Variants in GSE1 observed in about 807,000 individuals in gnomAD.
The protein encoded by GSE1 is genetic suppressor element 1.
A neutral mutation model predicts 112.6 loss-of-function variants in GSE1; 32 were observed. That is an observed-to-expected ratio of 0.28 (90% CI 0.21 to 0.38). The LOEUF is 0.38. Among genes scored for constraint, GSE1 ranks in the 10% least tolerant of loss-of-function variants. The pLI, the probability that GSE1 is intolerant of heterozygous loss-of-function variation, is 1.00. For missense variants in GSE1, 2,348 were observed against 1,699.2 expected (o/e 1.38, Z -6.71); for synonymous variants, 1,115 against 735.6 (o/e 1.52, Z -8.35).
At position 85,508,340 on chromosome 16, in the gene GSE1, A is replaced by G. The variant is rs552639125; in HGVS notation, c.2465-125574A>G. 1.6e-4 allele frequency among the ~76,000 whole-genome samples: 24 copies of G among 152,178 alleles called. No homozygotes were observed. In the South Asian group the frequency reaches 5.0e-3, roughly 32 times the overall value. On this transcript the variant is annotated intron_variant, in intron 2 of 2. Coordinates refer to the GSE1 transcript ENST00000637419. ...GGAGCCACCACGCCCGGCCTCCCTC[A>G]CTTATTTTTCGGAACAGGTGATGTT...
chr16:85,302,014 C>A (rs1227229044), intron 1 of GSE1, among the ~76,000 whole-genome samples: 1 of 152,222 alleles, frequency 6.6e-6, no homozygotes, highest in African/African-American at 2.4e-5. Context: ...AGAGAACTCT[C>A]CAGGCAGGGC....
intron 1 of GSE1, among the ~76,000 whole-genome samples, chr16:85,212,776 C>G (rs1017203289): frequency 3.9e-5 from 6 of 152,202 alleles, no homozygotes; most frequent in African/African-American, 1.4e-4. Context: ...AGATGGCCAG[C>G]TGTGTAGGAA....
chr16:85,637,509 C>T (rs61737923), intron 2 of GSE1, among the ~76,000 whole-genome samples: 183 of 151,270 alleles, frequency 1.2e-3, no homozygotes, highest in African/African-American at 4.0e-3. Flanking sequence ...CCCCCTTGAT[C>T]GCGGCAGTGG....
chr16:85,277,394 C>G (rs971117531), intron 1 of GSE1, among the ~76,000 whole-genome samples: 40 of 152,138 alleles, frequency 2.6e-4, no homozygotes, highest in African/African-American at 9.4e-4. Context: ...AGAACCCACC[C>G]CTGAAAGGCG....
In GSE1 at chr16:85,534,088, G is replaced by A. The variant is rs564089456; in HGVS notation, c.2465-99826G>A. On this transcript the variant is annotated intron_variant, in intron 2 of 2. Coordinates refer to the GSE1 transcript ENST00000637419. The stretch of plus-strand genomic sequence containing the variant: ...AGCCAAGCCTTGGCAACTGTCATCT[G>A]CTTTACATCCCTTTAGGCTAGTTTT... Among the ~76,000 whole-genome samples, 3 of 150,538 alleles carry A rather than the reference G, an allele frequency of 2.0e-5. No homozygotes were observed. In the South Asian group the frequency reaches 6.3e-4, roughly 32 times the overall value.
At chr16:85,253,834 G>A (rs1906778458) in intron 1 of GSE1, among the ~76,000 whole-genome samples, 1 of 152,140 alleles carries the variant, frequency 6.6e-6, no homozygotes, top group Non-Finnish European at 1.5e-5. Context: ...TGTGTGCAAA[G>A]GCCAGGAGGT....
chr16:85,538,504 C>A (rs1598107498), intron 2 of GSE1, among the ~76,000 whole-genome samples: 4 of 152,230 alleles, frequency 2.6e-5, no homozygotes, highest in Admixed American at 2.6e-4. Context: ...CGTCTTGTCG[C>A]CGGCCCCATG....
chr16:85,183,293 C>T (rs1322256573), intron 1 of GSE1, among the ~76,000 whole-genome samples: 3 of 152,238 alleles, frequency 2.0e-5, no homozygotes, highest in African/African-American at 4.8e-5. Flanking sequence ...CTGGCAGGGC[C>T]CGTGTGCCAG....
chr16:85,662,740 G>C (rs575604493), intron 9 of GSE1: 1 of 518,948 alleles, frequency 1.9e-6, no homozygotes, highest in South Asian at 2.6e-5. Context: ...GTCAGCCCAG[G>C]GGACCACCCA....
chr16:85,240,623 A>G (rs1905094551), intron 1 of GSE1, among the ~76,000 whole-genome samples: 1 of 152,144 alleles, frequency 6.6e-6, no homozygotes, highest in Non-Finnish European at 1.5e-5. Flanking sequence ...CCAGACTTAA[A>G]CGAGATGGTG....
At chr16:85,539,471 G>T (rs1355907131) in intron 2 of GSE1, among the ~76,000 whole-genome samples, 1 of 152,202 alleles carries the variant, frequency 6.6e-6, no homozygotes, top group Non-Finnish European at 1.5e-5. Context: ...CCCACAGAAA[G>T]AATCCCTGGT....
At chr16:85,305,764 C>T (rs1290814607) in intron 1 of GSE1, among the ~76,000 whole-genome samples, 1 of 152,182 alleles carries the variant, frequency 6.6e-6, no homozygotes, top group Non-Finnish European at 1.5e-5. Context: ...GCGTGAGTCA[C>T]TGCACTCCGC....
chr16:85,340,105 A>G (rs2046592549), intron 1 of GSE1, among the ~76,000 whole-genome samples: 1 of 152,220 alleles, frequency 6.6e-6, no homozygotes, highest in Admixed American at 6.5e-5. Flanking sequence ...AGATGGTACA[A>G]ATCGTTTAAG....
chr16:85,655,829 C>G lies in GSE1; in HGVS notation c.901C>G (p.Leu301Val). 1 of 1,611,280 alleles carries G rather than the reference C, an allele frequency of 6.2e-7. No individual in the cohort carries two copies. Among genetic ancestry groups the G allele is most frequent in the Admixed American group, 1.7e-5 (1 of 60,018 alleles). The change falls in exon 6 of 16, where the codon CTC becomes GTC. Residue 301 changes from leucine to valine, a missense_variant. Leu to Val is a conservative substitution (Grantham distance 32, BLOSUM62 1). Coordinates refer to ENST00000253458, the MANE Select transcript of GSE1 (RefSeq NM_014615.5). ...PLHPSAMHLHLSGVRYPPELS... is the reference protein window; with the variant it reads ...PLHPSAMHLHVSGVRYPPELS... ...GCACCCATCAGCGATGCACCTGCAC[C>G]TCTCTGGGGTCCGCTACCCTCCCGA...
intron 1 of GSE1, among the ~76,000 whole-genome samples, chr16:85,601,071 A>G (rs1338223227): frequency 6.6e-6 from 1 of 152,060 alleles, no homozygotes; most frequent in African/African-American, 2.4e-5. Context: ...CCAGGGCTTG[A>G]AGGAAGAGGT....
At position 85,656,379 on chromosome 16, in the gene GSE1, G is replaced by GCGCGAT; in HGVS notation, c.1031_1032insTCGCGA (p.Arg343_Glu344insAspArg). On this transcript the variant is annotated inframe_insertion, in exon 7 of 16. Coordinates refer to ENST00000253458, the MANE Select transcript of GSE1 (RefSeq NM_014615.5). ...ACGAGGAGCTAAGGCGGGAGAGGGA[G>GCGCGAT]CGCGAGCGCGAGCGCGAGCGTGAGC... is the stretch of plus-strand genomic sequence containing the variant. 6.8e-7 allele frequency: 1 copy of GCGCGAT among 1,463,966 alleles called. No homozygotes were observed. Among genetic ancestry groups the GCGCGAT allele is most frequent in the South Asian group, 1.3e-5 (1 of 77,202 alleles). 90.7% of individuals were successfully genotyped at this position (1,463,966 alleles called of 1,614,324 possible).
At chr16:85,299,395 C>T (rs910743004) in intron 1 of GSE1, among the ~76,000 whole-genome samples, 1 of 152,182 alleles carries the variant, frequency 6.6e-6, no homozygotes, top group Non-Finnish European at 1.5e-5. Context: ...TTCTCTATAT[C>T]CTCTCCAACC....
intron 1 of GSE1, among the ~76,000 whole-genome samples, chr16:85,330,305 C>T (rs573569219): frequency 5.3e-5 from 8 of 152,240 alleles, no homozygotes; most frequent in African/African-American, 1.4e-4. Context: ...GGTGACAGAC[C>T]GAGGAGCTGG....
chr16:85,286,849 T>A (rs1168348308), intron 1 of GSE1, among the ~76,000 whole-genome samples: 3 of 152,102 alleles, frequency 2.0e-5, no homozygotes, highest in Non-Finnish European at 4.4e-5. Flanking sequence ...AAAAACAAAA[T>A]AGTGAGAAAA....
Sources: gnomAD v4.1 joint callset for allele counts (sites outside exome capture counted in the v4.1 genomes callset) on GRCh38, gnomAD v4.1.1 for gene constraint, MANE v1.5 for transcripts, NCBI Gene and HGNC (gene_info 2026-07-23, HGNC 2026-07-21) for gene names.